The following NLGN1 variants were observed in gnomAD, a reference collection of about 807,000 sequenced individuals.
The protein encoded by NLGN1 is neuroligin-1.
NLGN1 carries 12 observed loss-of-function variants against 65.5 expected under a neutral mutation model. That is an observed-to-expected ratio of 0.18 (90% CI 0.12 to 0.30). NLGN1 has a LOEUF of 0.30. Ranked by LOEUF, NLGN1 falls within the 10% of genes least tolerant of loss-of-function variation. The probability of loss-of-function intolerance (pLI) is 1.00; values close to 1 mark genes in which losing one functional copy is unlikely to be tolerated. For missense variants in NLGN1, 750 were observed against 1,007.1 expected (o/e 0.74, Z 3.46); for synonymous variants, 350 against 359.5 (o/e 0.97, Z 0.30).
chr3:173,768,841 G>T (rs912921887), intron 3 of NLGN1, among the ~76,000 whole-genome samples: 3 of 152,020 alleles, frequency 2.0e-5, no homozygotes, highest in Non-Finnish European at 2.9e-5. Context: ...GTGTGATCTT[G>T]ACTCACAGCA....
At chr3:173,499,427 T>C (rs1730619453) in intron 2 of NLGN1, among the ~76,000 whole-genome samples, 2 of 151,872 alleles carry the variant, frequency 1.3e-5, no homozygotes, top group African/African-American at 4.9e-5. Flanking sequence ...TCTGTTTTGG[T>C]ACCAGTACCA....
intron 4 of NLGN1, among the ~76,000 whole-genome samples, chr3:173,895,058 T>C (rs917522566): frequency 6.6e-6 from 1 of 152,056 alleles, no homozygotes; most frequent in Non-Finnish European, 1.5e-5. Flanking sequence ...ATCTGTTTCC[T>C]TGCTTTTTTG....
At chr3:173,693,067 TGAAGGTAAAA>T (rs1360396313) in intron 3 of NLGN1, among the ~76,000 whole-genome samples, 506 of 152,192 alleles carry the variant, frequency 3.3e-3, no homozygotes, top group African/African-American at 0.012. Context: ...ACACTACAAG[TGAAGGTAAAA>T]ACTAGAGTTA....
rs769073187 is a variant in NLGN1, at chr3:173,854,928, A to C, written c.646+47096A>C. 5.9e-5 allele frequency among the ~76,000 whole-genome samples: 9 copies of C among 152,260 alleles called. No homozygotes were observed. In the Middle Eastern group the frequency reaches 0.01, roughly 173 times the overall value. ...TTGAAAAATCATACTACAAGATACA[A>C]AAATTAGAACAAAAACTAGTAAATG... On this transcript the variant is annotated intron_variant, in intron 4 of 6. Transcript: ENST00000457714.
At chr3:173,463,958 A>C (rs939860424) in intron 2 of NLGN1, among the ~76,000 whole-genome samples, 1 of 151,978 alleles carries the variant, frequency 6.6e-6, no homozygotes, top group African/African-American at 2.4e-5. Flanking sequence ...TTCAAAATTC[A>C]AGCATATTAT....
At chr3:173,808,712 G>A (rs1321696336) in intron 4 of NLGN1, among the ~76,000 whole-genome samples, 5 of 152,054 alleles carry the variant, frequency 3.3e-5, no homozygotes, top group Non-Finnish European at 7.4e-5. Context: ...AATCTTAATT[G>A]TCCTCCAAGT....
At chr3:173,563,418 G>C (rs1448490084) in intron 2 of NLGN1, among the ~76,000 whole-genome samples, 1 of 152,096 alleles carries the variant, frequency 6.6e-6, no homozygotes, top group Non-Finnish European at 1.5e-5. Context: ...ATAACGTATA[G>C]GTAAATCTGC....
chr3:173,755,449 A>G (rs1329433161), intron 3 of NLGN1, among the ~76,000 whole-genome samples: 1 of 152,152 alleles, frequency 6.6e-6, no homozygotes, highest in East Asian at 1.9e-4. Flanking sequence ...AAGAAATATA[A>G]TTTAAAATAA....
intron 4 of NLGN1, among the ~76,000 whole-genome samples, chr3:173,873,979 A>T (rs116178097): frequency 0.012 from 1,895 of 152,266 alleles, 35 homozygotes; most frequent in African/African-American, 0.044. Flanking sequence ...TATAGACAAC[A>T]CACAGACCAA....
At chr3:173,493,073 A>G (rs1729446168) in intron 2 of NLGN1, among the ~76,000 whole-genome samples, 1 of 151,858 alleles carries the variant, frequency 6.6e-6, no homozygotes, top group African/African-American at 2.4e-5. Flanking sequence ...TTCACATTAT[A>G]CATCATACTT....
intron 3 of NLGN1, among the ~76,000 whole-genome samples, chr3:173,606,864 C>CTA (rs1445957294): frequency 6.6e-6 from 1 of 151,784 alleles, no homozygotes; most frequent in African/African-American, 2.4e-5. Flanking sequence ...AAAAAAGTCT[C>CTA]TTTTTTTCTG....
chr3:173,543,696 G>T (rs1739275851), intron 2 of NLGN1, among the ~76,000 whole-genome samples: 1 of 152,068 alleles, frequency 6.6e-6, no homozygotes, highest in Admixed American at 6.6e-5. Flanking sequence ...GATTGATAAT[G>T]ATTCTTTTAT....
At chr3:173,513,320 C>T (rs1291614228) in intron 2 of NLGN1, among the ~76,000 whole-genome samples, 1 of 152,086 alleles carries the variant, frequency 6.6e-6, no homozygotes, top group African/African-American at 2.4e-5. Context: ...CTAATCCTTT[C>T]TAGACACTTT....
chr3:173,854,418 A>G (rs563143479), intron 4 of NLGN1, among the ~76,000 whole-genome samples: 18 of 152,150 alleles, frequency 1.2e-4, no homozygotes, highest in Admixed American at 3.3e-4. Flanking sequence ...AATTATAAAG[A>G]AAAAAGGGTG....
At chr3:174,187,372 A>T (rs1402451042) in intron 4 of NLGN1, among the ~76,000 whole-genome samples, 1 of 151,988 alleles carries the variant, frequency 6.6e-6, no homozygotes, top group African/African-American at 2.4e-5. Flanking sequence ...ATTGACTTAT[A>T]ATCTGGATGA....
At chr3:174,118,755 A>G (rs921910863) in intron 4 of NLGN1, among the ~76,000 whole-genome samples, 10 of 152,136 alleles carry the variant, frequency 6.6e-5, no homozygotes, top group Non-Finnish European at 1.3e-4. Context: ...AGCATTTGGA[A>G]TGATCTGGAG....
chr3:174,153,533 C>T (rs1724800676), intron 4 of NLGN1, among the ~76,000 whole-genome samples: 1 of 152,108 alleles, frequency 6.6e-6, no homozygotes, highest in South Asian at 2.1e-4. Flanking sequence ...TTAATAATCA[C>T]ATTTGTATAT....
At chr3:173,989,760 T>C (rs1720712170) in intron 4 of NLGN1, among the ~76,000 whole-genome samples, 1 of 152,150 alleles carries the variant, frequency 6.6e-6, no homozygotes, top group African/African-American at 2.4e-5. Flanking sequence ...CCCTTCCTTT[T>C]CCCCGTGCTC....
chr3:173,954,345 T>C (rs1748772656), intron 4 of NLGN1, among the ~76,000 whole-genome samples: 1 of 152,020 alleles, frequency 6.6e-6, no homozygotes, highest in Non-Finnish European at 1.5e-5. Context: ...AAAATCTTTC[T>C]AAATTTTAAA....
Sources: gnomAD v4.1 joint callset for allele counts (sites outside exome capture counted in the v4.1 genomes callset) on GRCh38, gnomAD v4.1.1 for gene constraint, MANE v1.5 for transcripts, NCBI Gene and HGNC (gene_info 2026-07-23, HGNC 2026-07-21) for gene names.